RPS6: variants seen among roughly 807,000 people sequenced by gnomAD.
RPS6 encodes small ribosomal subunit protein eS6.
A neutral mutation model predicts 27.1 loss-of-function variants in RPS6; 1 was observed. The ratio of observed to expected loss-of-function variants is 0.04; its 90% confidence interval spans 0.01 to 0.18. The LOEUF (loss-of-function observed/expected upper bound fraction) is 0.18, where lower values mean the gene tolerates loss of function less well. Ranked by LOEUF, RPS6 falls within the 10% of genes least tolerant of loss-of-function variation. The pLI is 1.00. For synonymous variants in RPS6, 152 were observed against 106.0 expected (o/e 1.43, Z -2.66); for missense variants, 259 against 319.1 (o/e 0.81, Z 1.44).
At chr9:19,377,022 TG>T (rs1829600138) in intron 4 of RPS6, among the ~76,000 whole-genome samples, 1 of 152,256 alleles carries the variant, frequency 6.6e-6, no homozygotes, top group South Asian at 2.1e-4. Flanking sequence ...TTAAATTTGA[TG>T]TAAGCTTGCA....
intron 4 of RPS6, chr9:19,376,885 GCTAA>G (rs1249637172): frequency 4.3e-5 from 17 of 399,648 alleles, no homozygotes; most frequent in East Asian, 1.7e-4. Flanking sequence ...AAATAACCAG[GCTAA>G]CTTTTACTAC....
rs1358920419 is a variant in RPS6 at position 19,376,178 on chromosome 9, A to ATCCCCATTTTCTATGACCTAACTT, written c.*91_*114dup. The ATCCCCATTTTCTATGACCTAACTT allele has an allele frequency of 1.2e-6, 1 of 845,244 alleles. No individual in the cohort carries two copies. The highest frequency in any genetic ancestry group is 1.9e-6 in the Non-Finnish European group (1 of 529,954). The allele number at this position is 845,244 out of a possible 1,614,324, so 52.4% of individuals were successfully genotyped here. A position where few individuals can be genotyped will look rare whatever the true frequency, so the allele number is the denominator to read the frequency against. Reference sequence around the variant, plus strand: ...CACCATTGGAATACCATATATACATATCCCCATTTTCTATGACCTAACTTT... The same window carrying ATCCCCATTTTCTATGACCTAACTT: ...CACCATTGGAATACCATATATACATATCCCCATTTTCTATGACCTAACTTTCCCCATTTTCTATGACCTAACTTT... On this transcript the variant is annotated 3_prime_UTR_variant, in exon 6 of 6. Coordinates refer to ENST00000380394, the MANE Select transcript of RPS6 (RefSeq NM_001010.3).
chr9:19,379,121 G>A, intron 2 of RPS6: 1 of 762,898 alleles, frequency 1.3e-6, no homozygotes, highest in Non-Finnish European at 2.0e-6. Context: ...CTTTCAAGTC[G>A]CATTTCTAAC....
intron 1 of RPS6, chr9:19,379,984 C>G (rs1176055392): frequency 4.8e-6 from 7 of 1,454,276 alleles, no homozygotes; most frequent in East Asian, 2.5e-5. Flanking sequence ...CCATGGCGCT[C>G]CCGGCCCGCC....
chr9:19,376,462 C>A, intron 5 of RPS6, 32 bp downstream of exon 5: 1 of 1,610,638 alleles, frequency 6.2e-7, no homozygotes, highest in Non-Finnish European at 8.5e-7. Context: ...AGGTCGAACT[C>A]CTCCCACCCC....
At chr9:19,379,067 G>A (rs1829636183) in intron 2 of RPS6, 149 bp from the exon 3 acceptor site, 7 of 868,030 alleles carry the variant, frequency 8.1e-6, no homozygotes, top group Non-Finnish European at 1.2e-5. Context: ...TGTTCAGTGA[G>A]TTTTGTCTAT....
chr9:19,378,286 C>A, intron 4 of RPS6, 82 bp downstream of exon 4: 1 of 1,393,640 alleles, frequency 7.2e-7, no homozygotes. Context: ...TCCAAAGGCA[C>A]ATATTTATCT....
In RPS6 at chr9:19,376,222, A is replaced by G. The variant is rs1829583717; in HGVS notation, c.*71T>C. On this transcript the variant is annotated 3_prime_UTR_variant, in exon 6 of 6. Transcript: ENST00000380394. ...TAACTTTCCCTCTCTTCATTTATGT[A>G]GTTTTCTATCAGCAATGAAAAGTCA... 5 of 1,277,568 alleles carry G rather than the reference A, an allele frequency of 3.9e-6. No homozygotes were observed. The highest frequency in any genetic ancestry group is 4.5e-6 in the Non-Finnish European group (4 of 898,514). The allele number at this position is 1,277,568 out of a possible 1,614,324, so 79.1% of individuals were successfully genotyped here.
chr9:19,380,103 T>G, intron 1 of RPS6, 87 bp downstream of exon 1: 2 of 1,613,994 alleles, frequency 1.2e-6, no homozygotes, highest in South Asian at 2.2e-5. Flanking sequence ...GCCAGGATCC[T>G]GGAGTGCTGG....
chr9:19,379,478 A>G lies in RPS6; in HGVS notation c.138+9T>C. The stretch of plus-strand genomic sequence containing the variant: ...ACTTAAATACCTGCAACAATTTGTC[A>G]ACTTTTACCTTCCATTCTTCACCCA... On this transcript the variant is annotated intron_variant, in intron 2 of 5. Transcript: ENST00000380394. 1 of 1,614,114 alleles carries G rather than the reference A, an allele frequency of 6.2e-7. No individual in the cohort carries two copies. Among genetic ancestry groups the G allele is most frequent in the Non-Finnish European group, 8.5e-7 (1 of 1,180,000 alleles).
chr9:19,379,505 A>C lies in RPS6; in HGVS notation c.120T>G (p.Ala40=). 6.2e-7 allele frequency: 1 copy of C among 1,614,144 alleles called. No individual in the cohort carries two copies. The highest frequency in any genetic ancestry group is 1.1e-5 in the South Asian group (1 of 91,082). Residue 40 remains alanine, a synonymous_variant, in exon 2 of 6, where the codon GCT becomes GCG. Coordinates refer to ENST00000380394, the MANE Select transcript of RPS6 (RefSeq NM_001010.3). ...CTTTTACCTTCCATTCTTCACCCAG[A>C]GCGTCAGCAGCAACTTCTGTGGCCA... is the stretch of plus-strand genomic sequence containing the variant. ...KRMATEVAAD[A]LGEEWKGYVV...
intron 2 of RPS6, 164 bp downstream of exon 2, chr9:19,379,323 C>A (rs1829640702): frequency 1.3e-6 from 2 of 1,508,120 alleles, no homozygotes; most frequent in Non-Finnish European, 1.8e-6. Flanking sequence ...CTCTACGTCC[C>A]CCCCTCCAAG....
chr9:19,378,315 T>A (rs746787998), intron 4 of RPS6, 53 bp downstream of exon 4: 2 of 1,568,156 alleles, frequency 1.3e-6, no homozygotes, highest in African/African-American at 2.7e-5. Flanking sequence ...GCACACAAAA[T>A]GATAGACAAA....
chr9:19,378,694 C>T lies in RPS6; in HGVS notation c.349+14G>A. 6.2e-7 allele frequency: 1 copy of T among 1,613,424 alleles called. No individual in the cohort carries two copies. The highest frequency in any genetic ancestry group is 1.7e-5 in the Admixed American group (1 of 60,006). On this transcript the variant is annotated intron_variant, in intron 3 of 5. Transcript: ENST00000380394. ...AATCAATTTCAACGAAAATTGAACA[C>T]AAGTAACCCTCACCTTTTTTTACAA... is the stretch of plus-strand genomic sequence containing the variant.
rs557594963 is a variant in RPS6 at position 19,376,012 on chromosome 9, A to G, written c.*281T>C. The G allele has an allele frequency of 6.8e-6, 2 of 293,172 alleles. No individual in the cohort carries two copies. The highest frequency in any genetic ancestry group is 4.3e-5 in the African/African-American group (2 of 46,582). The allele number at this position is 293,172 out of a possible 1,614,324, so 18.2% of individuals were successfully genotyped here. On this transcript the variant is annotated 3_prime_UTR_variant, in exon 6 of 6. Transcript: ENST00000380394. ...ATAAAAAAGATTAATAGTCCTCATC[A>G]TTTCCCCTAAGTTCCATGCCATTCT...
Position 19,376,282 on chromosome 9 carries a change from C to G in RPS6, c.*11G>C, listed in dbSNP as rs760802711. On this transcript the variant is annotated 3_prime_UTR_variant, in exon 6 of 6. Transcript: ENST00000380394. ...AGAGTCTGATCTTATTTATTTGTTA[C>G]TCAAAAAATCTTATTTCTGACTGGA... 2.5e-6 allele frequency: 4 copies of G among 1,600,402 alleles called. No individual in the cohort carries two copies. The highest frequency in any genetic ancestry group is 1.7e-5 in the Admixed American group (1 of 58,050).
In RPS6 at chr9:19,375,894, T is replaced by TA. The variant is rs1254170395; in HGVS notation, c.*398dup. On this transcript the variant is annotated 3_prime_UTR_variant, in exon 6 of 6. Transcript: ENST00000380394. ...AAACTATGCCTTAAAAGTTACCTTT[T>TA]AAAAAAGACATGTTCATCTTCACAA... is the stretch of plus-strand genomic sequence containing the variant. 6.5e-6 allele frequency: 1 copy of TA among 154,580 alleles called. No individual in the cohort carries two copies. Among genetic ancestry groups the TA allele is most frequent in the Non-Finnish European group, 1.4e-5 (1 of 69,594 alleles). The allele number at this position is 154,580 out of a possible 1,614,324, so 9.6% of individuals were successfully genotyped here.
chr9:19,378,462 G>A lies in RPS6; in HGVS notation c.402C>T (p.Gly134=), dbSNP rs1829625619. Residue 134 remains glycine, a synonymous_variant, in exon 4 of 6, where the codon GGC becomes GGT. Coordinates refer to ENST00000380394, the MANE Select transcript of RPS6 (RefSeq NM_001010.3). ...TGCGGATTCTGCTAGCTCTTTTGGG[G>A]CCCAGGCGGCGAGGCACTGTAGTAT... ...LTDTTVPRRL[G]PKRASRIRKL... is the part of the protein sequence containing the mutation. 6.2e-7 allele frequency: 1 copy of A among 1,614,058 alleles called. No individual in the cohort carries two copies. Among genetic ancestry groups the A allele is most frequent in the Non-Finnish European group, 8.5e-7 (1 of 1,180,008 alleles).
At position 19,376,379 on chromosome 9, in the gene RPS6, C is replaced by T; in HGVS notation, c.664G>A (p.Glu222Lys). The T allele has an allele frequency of 6.2e-7, 1 of 1,614,116 alleles. No individual in the cohort carries two copies. ...LLAKRMKEAK[E>K]KRQEQIAKRR... ...TTCGCAATTTGTTCCTGGCGCTTCT[C>T]CTTAGCCTCCTAAACAAAACAAAAC... is the stretch of plus-strand genomic sequence containing the variant. Residue 222 changes from glutamate (E) to lysine (K), a missense_variant, in exon 6 of 6, where the codon GAG becomes AAG. Physicochemically the swap from Glu to Lys is moderately conservative, Grantham distance 56. Coordinates refer to ENST00000380394, the MANE Select transcript of RPS6 (RefSeq NM_001010.3).
Sources: gnomAD v4.1 joint callset for allele counts (sites outside exome capture counted in the v4.1 genomes callset) on GRCh38, gnomAD v4.1.1 for gene constraint, MANE v1.5 for transcripts, NCBI Gene and HGNC (gene_info 2026-07-23, HGNC 2026-07-21) for gene names.